Variants in CNTN6 observed in about 807,000 individuals in gnomAD.
CNTN6 encodes the protein contactin 6.
A neutral mutation model predicts 122.8 loss-of-function variants in CNTN6; 137 were observed. That is an observed-to-expected ratio of 1.12 (90% CI 0.97 to 1.29). CNTN6 has a LOEUF of 1.29. Ranked by LOEUF, CNTN6 falls within the 50% of genes most tolerant of loss-of-function variation. CNTN6 has a pLI of 0.00. For synonymous variants in CNTN6, 570 were observed against 426.0 expected (o/e 1.34, Z -4.16); for missense variants, 1,634 against 1,223.4 (o/e 1.34, Z -5.01).
At chr3:1,253,293 C>G (rs536420642) in intron 4 of CNTN6, among the ~76,000 whole-genome samples, 10 of 152,234 alleles carry the variant, frequency 6.6e-5, no homozygotes, top group African/African-American at 2.4e-4. Context: ...TTTTATTATT[C>G]ATTCTTTTAT....
intron 4 of CNTN6, among the ~76,000 whole-genome samples, chr3:1,245,258 C>G (rs371153411): frequency 2.5e-4 from 1 of 3,942 alleles, no homozygotes; most frequent in African/African-American, 8.1e-4. Context: ...ATATATATAA[C>G]ATATATATAT....
intron 2 of CNTN6, among the ~76,000 whole-genome samples, chr3:1,186,971 A>G (rs2093636677): frequency 6.6e-6 from 1 of 152,130 alleles, no homozygotes; most frequent in African/African-American, 2.4e-5. Flanking sequence ...ACCAAAGAGG[A>G]AAAGAGAAGT....
At chr3:1,312,690 C>T (rs912710202) in intron 7 of CNTN6, among the ~76,000 whole-genome samples, 8 of 151,084 alleles carry the variant, frequency 5.3e-5, no homozygotes, top group Non-Finnish European at 1.2e-4. Context: ...TATTGCTAAG[C>T]ACATGTTATA....
chr3:1,177,970 C>T (rs932020601), intron 2 of CNTN6, among the ~76,000 whole-genome samples: 2 of 150,916 alleles, frequency 1.3e-5, no homozygotes, highest in East Asian at 2.0e-4. Flanking sequence ...GTGCAATCTC[C>T]GCTCACTGCA....
chr3:1,135,196 T>C (rs2092440566), intron 1 of CNTN6, among the ~76,000 whole-genome samples: 1 of 125,536 alleles, frequency 8.0e-6, no homozygotes, highest in Non-Finnish European at 1.8e-5. Flanking sequence ...ATTTTCTCAC[T>C]CTTTTTTATT....
intron 8 of CNTN6, 136 bp from the exon 9 acceptor site, chr3:1,325,678 TC>T: frequency 1.4e-6 from 1 of 716,570 alleles, no homozygotes; most frequent in Non-Finnish European, 2.1e-6. Flanking sequence ...GCATGTCCCC[TC>T]CCTCAAATCG....
chr3:1,098,095 G>C lies in CNTN6; in HGVS notation c.-83+4975G>C, dbSNP rs949064843. ...TGATCAAGAAAAAGGGTATATTTGCGGGGGGGGGAGGGATAGCATTGGGAG... is the reference window on the plus strand; with the variant it reads ...TGATCAAGAAAAAGGGTATATTTGCCGGGGGGGGAGGGATAGCATTGGGAG... On this transcript the variant is annotated intron_variant, in intron 1 of 22. Coordinates refer to ENST00000446702, the MANE Select transcript of CNTN6 (RefSeq NM_001289080.2). Among the ~76,000 whole-genome samples, 45 of 99,178 alleles carry C rather than the reference G, an allele frequency of 4.5e-4. 3 individuals carry two copies. The highest frequency in any genetic ancestry group is 3.3e-3 in the Admixed American group (38 of 11,682). 65.1% of individuals were successfully genotyped at this position (99,178 alleles called of 152,430 possible).
chr3:1,236,939 A>G (rs11927430), intron 4 of CNTN6, among the ~76,000 whole-genome samples: 21,224 of 151,818 alleles, frequency 0.14, 1,662 homozygotes, highest in African/African-American at 0.2. Flanking sequence ...AAATTAGCCA[A>G]GCGTGGTGGT....
At chr3:1,385,920 T>C (rs1576008152) in intron 20 of CNTN6, 123 bp downstream of exon 20, 1 of 937,242 alleles carries the variant, frequency 1.1e-6, no homozygotes, top group Admixed American at 3.0e-5. Context: ...GGTTAGTTGG[T>C]TTGTCCCTTA....
chr3:1,199,489 G>T (rs1290458944), intron 2 of CNTN6, among the ~76,000 whole-genome samples: 1 of 151,948 alleles, frequency 6.6e-6, no homozygotes, highest in African/African-American at 2.4e-5. Context: ...CAAATTTGTT[G>T]TTTTAAGCCA....
chr3:1,319,994 T>C (rs1006672056), intron 7 of CNTN6, among the ~76,000 whole-genome samples: 1 of 151,660 alleles, frequency 6.6e-6, no homozygotes, highest in African/African-American at 2.4e-5. Context: ...ATTGTGAATA[T>C]CTATGTGAAT....
intron 17 of CNTN6, 61 bp downstream of exon 17, chr3:1,377,136 C>A (rs1207997573): frequency 5.2e-6 from 6 of 1,162,288 alleles, no homozygotes; most frequent in Admixed American, 4.3e-5. Context: ...CAGAAAGAAA[C>A]TGAAAAACAA....
intron 7 of CNTN6, among the ~76,000 whole-genome samples, chr3:1,299,481 A>G (rs955809010): frequency 1.3e-5 from 2 of 152,194 alleles, no homozygotes; most frequent in African/African-American, 4.8e-5. Flanking sequence ...TGTTGAGGCT[A>G]TTTCTCAAGA....
intron 20 of CNTN6, among the ~76,000 whole-genome samples, chr3:1,393,600 C>T (rs1203367763): frequency 6.8e-6 from 1 of 146,154 alleles, no homozygotes; most frequent in Non-Finnish European, 1.5e-5. Flanking sequence ...AATTCAGTTT[C>T]TATCTCAAGC....
intron 11 of CNTN6, among the ~76,000 whole-genome samples, chr3:1,334,244 T>G (rs1031598343): frequency 1.3e-5 from 2 of 152,106 alleles, no homozygotes; most frequent in African/African-American, 4.8e-5. Flanking sequence ...GCACTTATAT[T>G]GAAGAGAAGC....
chr3:1,279,324 C>T (rs1266838234), intron 5 of CNTN6, among the ~76,000 whole-genome samples: 1 of 152,086 alleles, frequency 6.6e-6, no homozygotes, highest in East Asian at 1.9e-4. Context: ...CACAGTGAAC[C>T]TGAAGGAGGC....
At chr3:1,372,617 GTTTAT>G (rs1268086499) in intron 13 of CNTN6, 143 bp downstream of exon 13, 2 of 788,972 alleles carry the variant, frequency 2.5e-6, no homozygotes, top group Non-Finnish European at 3.9e-6. Flanking sequence ...TTTTGTTTTG[GTTTAT>G]TTTGTTTCGT....
At chr3:1,266,742 C>T (rs989949081) in intron 4 of CNTN6, among the ~76,000 whole-genome samples, 13 of 152,144 alleles carry the variant, frequency 8.5e-5, no homozygotes, top group Non-Finnish European at 1.8e-4. Context: ...TGAAATCACT[C>T]TCCTTTACTC....
chr3:1,352,222 A>G (rs1276231670), intron 11 of CNTN6, 102 bp from the exon 12 acceptor site: 1 of 1,050,196 alleles, frequency 9.5e-7, no homozygotes, highest in Non-Finnish European at 1.3e-6. Flanking sequence ...ATATTATCAC[A>G]TACACCCATG....
Sources: allele counts gnomAD v4.1 joint callset (sites outside exome capture counted in the v4.1 genomes callset), GRCh38; gene constraint gnomAD v4.1.1; transcripts MANE v1.5; gene names NCBI Gene and HGNC (gene_info 2026-07-23, HGNC 2026-07-21).